Variants in CDK5RAP1 observed in about 807,000 individuals in gnomAD.
The protein encoded by CDK5RAP1 is mitochondrial tRNA methylthiotransferase CDK5RAP1.
CDK5RAP1 carries 62 observed loss-of-function variants against 64.5 expected under a neutral mutation model. The ratio of observed to expected loss-of-function variants is 0.96; its 90% CI spans 0.78 to 1.19. The LOEUF (loss-of-function observed/expected upper bound fraction) is 1.19. Ranked by LOEUF, CDK5RAP1 falls within the 50% of genes most tolerant of loss-of-function variation. The pLI is 0.00. For missense variants in CDK5RAP1, 657 were observed against 735.0 expected (o/e 0.89, Z 1.23); for synonymous variants, 250 against 261.9 (o/e 0.95, Z 0.44).
At chr20:33,384,791 A>T (rs1199975764) in intron 7 of CDK5RAP1, among the ~76,000 whole-genome samples, 2 of 152,206 alleles carry the variant, frequency 1.3e-5, no homozygotes, top group Non-Finnish European at 2.9e-5. Context: ...AGTCCCAGCT[A>T]CTTGGGAGGC....
At position 33,387,529 on chromosome 20, in the gene CDK5RAP1, G is replaced by A. The variant is rs1188599276; in HGVS notation, c.549C>T (p.Cys183=). ...TCTCCTCCTTCAACCTCTCAGCCAT[G>A]CAGCCTGGAAGGGAAAAAGAAACAA... ...RVPLRIGILG[C]MAERLKEEIL... is the part of the protein sequence containing the mutation. The change falls in exon 6 of 14, where the codon TGC becomes TGT. Residue 183 remains cysteine, a synonymous_variant. Coordinates refer to ENST00000346416, the MANE Select transcript of CDK5RAP1 (RefSeq NM_016408.4). The A allele has an allele frequency of 1.2e-6, 2 of 1,613,604 alleles. No homozygotes were observed. The highest frequency in any genetic ancestry group is 1.7e-6 in the Non-Finnish European group (2 of 1,179,572).
At chr20:33,397,109 C>A (rs755476122) in intron 1 of CDK5RAP1, 25 bp from the exon 2 acceptor site, 2 of 1,535,154 alleles carry the variant, frequency 1.3e-6, no homozygotes, top group Non-Finnish European at 1.8e-6. Flanking sequence ...CAGACATCAC[C>A]AGCATTTATT....
chr20:33,389,829 G>A (rs561791105), intron 5 of CDK5RAP1, among the ~76,000 whole-genome samples: 18 of 152,190 alleles, frequency 1.2e-4, no homozygotes, highest in African/African-American at 4.3e-4. Context: ...GAAAGAAGTA[G>A]ACATAGGAGA....
chr20:33,377,327 A>G (rs988111154), intron 8 of CDK5RAP1, among the ~76,000 whole-genome samples: 1 of 152,192 alleles, frequency 6.6e-6, no homozygotes, highest in Non-Finnish European at 1.5e-5. Context: ...GTTTAGTAGA[A>G]CCACCTTCAG....
At chr20:33,359,194 T>C (rs1008440083) in intron 13 of CDK5RAP1, 71 bp from the exon 14 acceptor site, 2 of 1,162,004 alleles carry the variant, frequency 1.7e-6, no homozygotes, top group Non-Finnish European at 2.6e-6. Context: ...GTGGAGCCTC[T>C]AGAGGAGAAG....
chr20:33,372,811 A>G, intron 9 of CDK5RAP1, 114 bp from the exon 10 acceptor site: 1 of 679,952 alleles, frequency 1.5e-6, no homozygotes, highest in Non-Finnish European at 2.6e-6. Flanking sequence ...TCCACATGGC[A>G]GGGCACACGA....
At chr20:33,389,111 T>A (rs1288081249) in intron 5 of CDK5RAP1, among the ~76,000 whole-genome samples, 2 of 146,622 alleles carry the variant, frequency 1.4e-5, no homozygotes. Context: ...GGAGCCCCTC[T>A]GCCCGGCTGC....
chr20:33,368,865 C>A (rs942070723), intron 11 of CDK5RAP1, among the ~76,000 whole-genome samples: 4 of 149,462 alleles, frequency 2.7e-5, no homozygotes, highest in African/African-American at 9.9e-5. Context: ...GAGCGAGACT[C>A]CGTCTCAAAA....
At chr20:33,385,533 G>T in intron 7 of CDK5RAP1, 117 bp downstream of exon 7, 2 of 1,199,378 alleles carry the variant, frequency 1.7e-6, no homozygotes, top group Non-Finnish European at 2.4e-6. Flanking sequence ...GTTCTTTCTG[G>T]CCAGGCATGG....
chr20:33,399,723 T>C, intron 1 of CDK5RAP1, among the ~76,000 whole-genome samples: 1 of 152,146 alleles, frequency 6.6e-6, no homozygotes, highest in Non-Finnish European at 1.5e-5. Flanking sequence ...ATTTAGATTC[T>C]TACAAGGAGC....
chr20:33,362,219 C>T (rs1455173456), intron 12 of CDK5RAP1, among the ~76,000 whole-genome samples: 2 of 152,034 alleles, frequency 1.3e-5, no homozygotes, highest in African/African-American at 4.8e-5. Flanking sequence ...AAGAAAACCA[C>T]CCCCAGCCAC....
chr20:33,372,215 A>G (rs965652011), intron 10 of CDK5RAP1, among the ~76,000 whole-genome samples: 5 of 152,078 alleles, frequency 3.3e-5, no homozygotes, highest in African/African-American at 1.2e-4. Flanking sequence ...AAAGAAAGTC[A>G]AATGTGGTAT....
chr20:33,371,770 A>G (rs61567198), intron 10 of CDK5RAP1, among the ~76,000 whole-genome samples: 3,111 of 152,236 alleles, frequency 0.02, 103 homozygotes, highest in African/African-American at 0.069. Flanking sequence ...GCAATAGAGC[A>G]AGATTCTGTC....
rs1989417180 is a variant in CDK5RAP1, at chr20:33,401,491, C to T, written c.-84G>A. The T allele has an allele frequency of 8.1e-6, 8 of 985,208 alleles. No homozygotes were observed. The highest frequency in any genetic ancestry group is 9.6e-6 in the Non-Finnish European group (8 of 829,942). 61.0% of individuals were successfully genotyped at this position (985,208 alleles called of 1,614,324 possible). A position where few individuals can be genotyped will look rare whatever the true frequency, so the allele number is the denominator to read the frequency against. The stretch of plus-strand genomic sequence containing the variant: ...AAGTTCTGCCGGCAAGTCGGATCCC[C>T]TCACAGGTCCGCCGCTGCGTTCATA... On this transcript the variant is annotated 5_prime_UTR_variant, in exon 1 of 14. Transcript: ENST00000346416.
chr20:33,396,819 T>C lies in CDK5RAP1; in HGVS notation c.246A>G (p.Glu82=), dbSNP rs202167491. 17 of 1,613,996 alleles carry C rather than the reference T, an allele frequency of 1.1e-5. No homozygotes were observed. The African/African-American group carries it at 1.7e-4, about 16-fold the overall frequency. ...TGAGATAGGGAGGTGGGTCTTCCAC[T>C]TCTGAAGACAGCTTCTCCTGAGGAG... is the stretch of plus-strand genomic sequence containing the variant. ...ASAPQEKLSS[E]VEDPPPYLMM... is the part of the protein sequence containing the mutation. The change falls in exon 2 of 14, where the codon GAA becomes GAG. Residue 82 remains glutamate (E), a synonymous_variant. Coordinates refer to ENST00000346416, the MANE Select transcript of CDK5RAP1 (RefSeq NM_016408.4).
intron 3 of CDK5RAP1, among the ~76,000 whole-genome samples, chr20:33,394,497 TA>T (rs1341616769): frequency 6.7e-6 from 1 of 149,872 alleles, no homozygotes; most frequent in Non-Finnish European, 1.5e-5. Context: ...TTTTTTTTAA[TA>T]GAGAAAGGAG....
intron 7 of CDK5RAP1, among the ~76,000 whole-genome samples, chr20:33,382,895 A>C (rs750680616): frequency 6.6e-6 from 1 of 150,928 alleles, no homozygotes; most frequent in Non-Finnish European, 1.5e-5. Flanking sequence ...TAAATAAATA[A>C]ATAGGCCAGG....
chr20:33,399,121 C>T (rs1989162464), intron 1 of CDK5RAP1, among the ~76,000 whole-genome samples: 2 of 151,196 alleles, frequency 1.3e-5, no homozygotes, highest in South Asian at 4.2e-4. Context: ...CCCAGGAAGA[C>T]TTAGGTGACT....
intron 1 of CDK5RAP1, among the ~76,000 whole-genome samples, chr20:33,397,978 C>T (rs1424186286): frequency 1.3e-5 from 2 of 151,912 alleles, no homozygotes; most frequent in East Asian, 1.9e-4. Flanking sequence ...GACAACAGAG[C>T]GAAACTCCAT....
Sources: allele counts gnomAD v4.1 joint callset (sites outside exome capture counted in the v4.1 genomes callset), GRCh38; gene constraint gnomAD v4.1.1; transcripts MANE v1.5; gene names NCBI Gene and HGNC (gene_info 2026-07-23, HGNC 2026-07-21).